The following KIF1A variants were observed in gnomAD, a reference collection of about 807,000 sequenced individuals.
KIF1A encodes kinesin family member 1A, also known as kinesin-like protein KIF1A.
A neutral mutation model predicts 227.3 loss-of-function variants in KIF1A; 46 were observed. The ratio of observed to expected loss-of-function variants is 0.20; its 90% CI spans 0.16 to 0.26. The LOEUF (loss-of-function observed/expected upper bound fraction) is 0.26. Ranked by LOEUF, KIF1A falls within the 10% of genes least tolerant of loss-of-function variation. KIF1A has a pLI of 1.00. For missense variants in KIF1A, 1,683 were observed against 2,485.9 expected (o/e 0.68, Z 6.87); for synonymous variants, 1,022 against 1,012.8 (o/e 1.01, Z -0.17).
chr2:240,719,222 C>G lies in KIF1A; in HGVS notation c.5022-24G>C, dbSNP rs760006693. On this transcript the variant is annotated intron_variant, in intron 46 of 48. Transcript: ENST00000498729. ...GGCTGAAGGCAGAGAGAGCTGCTCG[C>G]TGGGGCCCTCGGTGGGGGCAGCGAC... The G allele has an allele frequency of 1.9e-6, 3 of 1,583,044 alleles. No homozygotes were observed. The South Asian group carries it at 3.4e-5, about 18-fold the overall frequency.
chr2:240,767,439 AC>A, intron 17 of KIF1A, 94 bp from the exon 18 acceptor site: 1 of 1,032,622 alleles, frequency 9.7e-7, no homozygotes, highest in Non-Finnish European at 1.5e-6. Flanking sequence ...GCACCAGACT[AC>A]CACCAGGGTC....
chr2:240,770,908 T>C lies in KIF1A; in HGVS notation c.1341+63A>G. ...TACCCAGGAGGGCAGGGTGCCTCTC[T>C]AACTCCTCCGAGCTCCCCACTCCCA... On this transcript the variant is annotated intron_variant, in intron 15 of 48. Coordinates refer to ENST00000498729, the MANE Select transcript of KIF1A (RefSeq NM_001244008.2). 43 of 1,584,258 alleles carry C rather than the reference T, an allele frequency of 2.7e-5. No individual in the cohort carries two copies. In the South Asian group the frequency reaches 4.7e-4, roughly 17 times the overall value.
At chr2:240,815,321 T>G (rs1335469828) in intron 1 of KIF1A, among the ~76,000 whole-genome samples, 3 of 152,184 alleles carry the variant, frequency 2.0e-5, no homozygotes, top group Non-Finnish European at 4.4e-5. Context: ...GGTGGGCCTT[T>G]CTGGCAGGGC....
chr2:240,767,739 T>C (rs1368434815), intron 17 of KIF1A, among the ~76,000 whole-genome samples: 4 of 152,252 alleles, frequency 2.6e-5, no homozygotes, highest in African/African-American at 9.6e-5. Context: ...CATGGGGTCC[T>C]GGGTTCCCAG....
Position 240,752,978 on chromosome 2 carries a change from C to T in KIF1A, c.2859-2431G>A, listed in dbSNP as rs530223639. Among the ~76,000 whole-genome samples, 1 of 152,170 alleles carries T rather than the reference C, an allele frequency of 6.6e-6. No individual in the cohort carries two copies. Among genetic ancestry groups the T allele is most frequent in the Non-Finnish European group, 1.5e-5 (1 of 68,028 alleles). On this transcript the variant is annotated intron_variant, in intron 27 of 48. Transcript: ENST00000498729. The surrounding 1 kb of genome is among the most constrained non-coding windows in gnomAD (Gnocchi z 6.4). ...GGGTCAGACACTACCTTTCCTACCC[C>T]CAAAGACCCATCACCACAGCTGCCT... is the stretch of plus-strand genomic sequence containing the variant.
At chr2:240,809,336 C>G (rs572310725) in intron 1 of KIF1A, among the ~76,000 whole-genome samples, 4 of 152,138 alleles carry the variant, frequency 2.6e-5, no homozygotes, top group Non-Finnish European at 5.9e-5. Context: ...CCTATGATCT[C>G]GAGCCTTGGT....
chr2:240,740,131 T>C lies in KIF1A; in HGVS notation c.3828A>G (p.Arg1276=). ...CATGCAGTAGTGTCACCGTAATCCG[T>C]CGCTGGATGCCCTGCCGGTGCCAGG... ...GTFLLHQGIQ[R]RITVTLLHET... is the part of the protein sequence containing the mutation. Residue 1276 remains arginine (R), a synonymous_variant, in exon 37 of 49, where the codon CGA becomes CGG. Transcript: ENST00000498729. The surrounding 1 kb of genome is among the most constrained non-coding windows in gnomAD (Gnocchi z 6.1). The C allele has an allele frequency of 1.3e-6, 2 of 1,590,170 alleles. No homozygotes were observed. Among genetic ancestry groups the C allele is most frequent in the Non-Finnish European group, 1.7e-6 (2 of 1,168,712 alleles).
intron 1 of KIF1A, among the ~76,000 whole-genome samples, chr2:240,815,543 C>G (rs1196906050): frequency 3.9e-5 from 6 of 152,164 alleles, no homozygotes; most frequent in Middle Eastern, 3.2e-3. Context: ...CCCAAAGACA[C>G]CCCAACCCCT....
chr2:240,812,868 A>AGCCATCACTCGGGGATCT (rs1559549858), intron 1 of KIF1A, among the ~76,000 whole-genome samples: 2 of 77,856 alleles, frequency 2.6e-5, no homozygotes, highest in South Asian at 4.3e-4. Context: ...CTCGGGGATC[A>AGCCATCACTCGGGGATCT]GCCTTCACTC....
intron 47 of KIF1A, 95 bp downstream of exon 47, chr2:240,718,911 C>G: frequency 9.9e-7 from 1 of 1,015,086 alleles, no homozygotes; most frequent in South Asian, 1.5e-5. Flanking sequence ...AGCAGATGGG[C>G]CTCCTGCTCT....
At chr2:240,782,632 G>T (rs1028294712) in intron 9 of KIF1A, 25 bp from the exon 10 acceptor site, 2 of 1,549,116 alleles carry the variant, frequency 1.3e-6, no homozygotes, top group Admixed American at 3.9e-5. Context: ...ACAGAGAGAG[G>T]CTGAGGCCCG....
chr2:240,787,139 A>G (rs2055041549), intron 5 of KIF1A, 112 bp downstream of exon 5: 2 of 861,326 alleles, frequency 2.3e-6, no homozygotes, highest in African/African-American at 1.7e-5. Context: ...GTGAGGGACA[A>G]GCTGGGCGTG....
chr2:240,763,424 G>A, intron 20 of KIF1A, 78 bp from the exon 21 acceptor site: 1 of 1,374,082 alleles, frequency 7.3e-7, no homozygotes, highest in South Asian at 1.4e-5. Context: ...GGAGGCGTGA[G>A]GAGAAAGGGG....
rs749298100 is a variant in KIF1A, at chr2:240,721,077, G to A, written c.4744-39C>T. 4 of 1,607,198 alleles carry A rather than the reference G, an allele frequency of 2.5e-6. No homozygotes were observed. In the African/African-American group the frequency reaches 4.0e-5, roughly 16 times the overall value. On this transcript the variant is annotated intron_variant, in intron 44 of 48. Transcript: ENST00000498729. ...GCCTTTTTCAGGGGACACAGGGAAG[G>A]GGGGTCTCCGGCCTCTGTGGGAGCT...
intron 27 of KIF1A, among the ~76,000 whole-genome samples, chr2:240,753,906 G>A (rs1233400281): frequency 6.6e-6 from 1 of 152,162 alleles, no homozygotes; most frequent in Non-Finnish European, 1.5e-5. Context: ...TCAACTGTGT[G>A]GACACCAAGC....
chr2:240,721,973 C>T, intron 43 of KIF1A, 89 bp from the exon 44 acceptor site: 1 of 1,096,432 alleles, frequency 9.1e-7, no homozygotes, highest in Non-Finnish European at 1.3e-6. Flanking sequence ...CACCCCTCCC[C>T]AGACACAGGT....
rs773367182 is a variant in KIF1A, at chr2:240,742,961, T to C, written c.3608A>G (p.His1203Arg). 2 of 1,611,108 alleles carry C rather than the reference T, an allele frequency of 1.2e-6. No individual in the cohort carries two copies. The highest frequency in any genetic ancestry group is 1.7e-6 in the Non-Finnish European group (2 of 1,178,548). ...VLSPLRPSRR[H>R]FPRVMPLSKP... Reference sequence around the variant, plus strand: ...GGACAGTGGCATGACCCGAGGGAAGTGGCGGCGCGAGGGCCTCAGGGGGCT... The same window carrying C: ...GGACAGTGGCATGACCCGAGGGAAGCGGCGGCGCGAGGGCCTCAGGGGGCT... The change falls in exon 34 of 49, where the codon CAC becomes CGC. Residue 1203 changes from histidine to arginine, a missense_variant. This residue lies in a region of KIF1A where 759 missense variants were observed against 1,020.2 expected (regional missense o/e 0.74). Transcript: ENST00000498729.
intron 20 of KIF1A, among the ~76,000 whole-genome samples, chr2:240,763,784 C>T (rs1426761148): frequency 6.6e-6 from 1 of 152,214 alleles, no homozygotes; most frequent in Non-Finnish European, 1.5e-5. Flanking sequence ...TTCCATCTGT[C>T]TCCCCGACTA....
At position 240,726,763 on chromosome 2, in the gene KIF1A, C is replaced by T. The variant is rs1476606671; in HGVS notation, c.4122+63G>A. 6.0e-6 allele frequency: 6 copies of T among 993,174 alleles called. No homozygotes were observed. In the East Asian group the frequency reaches 1.3e-4, roughly 21 times the overall value. The allele number at this position is 993,174 out of a possible 1,614,324, so 61.5% of individuals were successfully genotyped here. A position where few individuals can be genotyped will look rare whatever the true frequency, so the allele number is the denominator to read the frequency against. On this transcript the variant is annotated intron_variant, in intron 39 of 48. Coordinates refer to ENST00000498729, the MANE Select transcript of KIF1A (RefSeq NM_001244008.2). The surrounding 1 kb of genome is among the most constrained non-coding windows in gnomAD (Gnocchi z 5.2). ...GTCATATGGGGTTGTCCAGAGCTTA[C>T]AAGAACCTCAAGCTTCAGGGGCTGA... is the stretch of plus-strand genomic sequence containing the variant.
Sources: gnomAD v4.1 joint callset for allele counts (sites outside exome capture counted in the v4.1 genomes callset) on GRCh38, gnomAD v4.1.1 for gene constraint, gnomAD v4.1.1 regional missense constraint, Gnocchi (gnomAD v3.1) non-coding constraint, MANE v1.5 for transcripts, NCBI Gene and HGNC (gene_info 2026-07-23, HGNC 2026-07-21) for gene names.